ADCY8: variants seen among roughly 807,000 people sequenced by gnomAD.
The protein encoded by ADCY8 is adenylate cyclase type 8.
Under a neutral mutation model 119.7 loss-of-function variants are expected in ADCY8, and 51 were observed. That is an observed-to-expected ratio of 0.43 (90% CI 0.34 to 0.54). The LOEUF (loss-of-function observed/expected upper bound fraction) is 0.54. Among genes scored for constraint, ADCY8 ranks in the 20% least tolerant of loss-of-function variants. ADCY8 has a pLI of 0.03. For synonymous variants in ADCY8, 665 were observed against 651.0 expected (o/e 1.02, Z -0.33); for missense variants, 1,383 against 1,598.8 (o/e 0.87, Z 2.30).
chr8:130,994,644 G>T (rs1822709370), intron 1 of ADCY8, among the ~76,000 whole-genome samples: 1 of 152,162 alleles, frequency 6.6e-6, no homozygotes, highest in African/African-American at 2.4e-5. Context: ...AAGTGGGCAT[G>T]AACATTTTGA....
chr8:130,867,741 C>T (rs984804513), intron 9 of ADCY8, 105 bp downstream of exon 9: 1 of 733,496 alleles, frequency 1.4e-6, no homozygotes, highest in Non-Finnish European at 2.3e-6. Flanking sequence ...GCGTCCTGGA[C>T]TCAGTTATTT....
chr8:131,020,912 T>G (rs1482776570), intron 1 of ADCY8, among the ~76,000 whole-genome samples: 1 of 152,198 alleles, frequency 6.6e-6, no homozygotes, highest in African/African-American at 2.4e-5. Context: ...CTATAAATTA[T>G]ACATCAGATG....
At chr8:130,885,088 G>T (rs897328372) in intron 7 of ADCY8, among the ~76,000 whole-genome samples, 2 of 151,838 alleles carry the variant, frequency 1.3e-5, no homozygotes, top group Non-Finnish European at 2.9e-5. Context: ...GAGAGAAAGA[G>T]AACCAAAAAA....
intron 1 of ADCY8, among the ~76,000 whole-genome samples, chr8:130,991,888 A>T (rs1170929514): frequency 1.3e-5 from 2 of 152,144 alleles, no homozygotes; most frequent in Non-Finnish European, 2.9e-5. Context: ...GATAAGAAAT[A>T]AGAAAAGAAA....
intron 2 of ADCY8, among the ~76,000 whole-genome samples, chr8:130,974,668 T>C (rs889539919): frequency 2.6e-5 from 4 of 151,428 alleles, no homozygotes; most frequent in Admixed American, 6.6e-5. Context: ...GCCATGAGTA[T>C]TCCTTCCTGA....
intron 1 of ADCY8, among the ~76,000 whole-genome samples, chr8:131,002,061 T>C (rs1822968028): frequency 6.6e-6 from 1 of 152,248 alleles, no homozygotes; most frequent in Admixed American, 6.5e-5. Context: ...TTTAGCTTAG[T>C]GGCTAAGAAT....
intron 10 of ADCY8, 133 bp from the exon 11 acceptor site, chr8:130,847,646 C>G: frequency 1.5e-6 from 1 of 656,252 alleles, no homozygotes. Flanking sequence ...AGACTGAACC[C>G]TAGAGGGGAC....
At chr8:130,886,441 G>C (rs1477922463) in intron 7 of ADCY8, among the ~76,000 whole-genome samples, 1 of 152,106 alleles carries the variant, frequency 6.6e-6, no homozygotes, top group African/African-American at 2.4e-5. Context: ...CGGGGCCAGA[G>C]AGTTTAGTCC....
At chr8:130,985,485 T>C (rs1244164431) in intron 2 of ADCY8, among the ~76,000 whole-genome samples, 1 of 152,162 alleles carries the variant, frequency 6.6e-6, no homozygotes, top group Non-Finnish European at 1.5e-5. Context: ...TGATGGGTGG[T>C]CAGTGGGTGG....
intron 12 of ADCY8, among the ~76,000 whole-genome samples, chr8:130,830,074 A>G (rs1432919546): frequency 1.3e-5 from 2 of 152,188 alleles, no homozygotes; most frequent in Admixed American, 6.5e-5. Context: ...AGGGTTACCA[A>G]TCCAGAGGGA....
chr8:130,822,114 A>G (rs183045240), intron 12 of ADCY8, among the ~76,000 whole-genome samples: 5 of 152,316 alleles, frequency 3.3e-5, no homozygotes, highest in African/African-American at 1.2e-4. Context: ...ATTAAGTAAG[A>G]GAAATAAATA....
At chr8:130,971,780 A>G (rs780854564) in intron 2 of ADCY8, among the ~76,000 whole-genome samples, 8 of 152,190 alleles carry the variant, frequency 5.3e-5, no homozygotes, top group Non-Finnish European at 1.0e-4. Flanking sequence ...TAAGTAGAAG[A>G]AATTGTATGA....
intron 14 of ADCY8, among the ~76,000 whole-genome samples, chr8:130,802,126 C>A (rs1158746126): frequency 6.6e-6 from 1 of 152,128 alleles, no homozygotes; most frequent in Non-Finnish European, 1.5e-5. Flanking sequence ...CCTCCAATCA[C>A]AAATTCCATA....
At chr8:130,955,926 C>T (rs544802570) in intron 2 of ADCY8, among the ~76,000 whole-genome samples, 127 of 152,298 alleles carry the variant, frequency 8.3e-4, no homozygotes, top group African/African-American at 3.0e-3. Context: ...GGGAAGAATG[C>T]TTGAGCACAG....
intron 2 of ADCY8, among the ~76,000 whole-genome samples, chr8:130,957,293 G>A (rs956345380): frequency 3.3e-5 from 5 of 152,118 alleles, no homozygotes; most frequent in Non-Finnish European, 7.4e-5. Context: ...AGAGACTGGT[G>A]GCATTTTGCT....
chr8:131,005,616 T>TCCATTTGGGCTTTGCCATGGCTAG (rs1823091413), intron 1 of ADCY8, among the ~76,000 whole-genome samples: 1 of 152,234 alleles, frequency 6.6e-6, no homozygotes, highest in Non-Finnish European at 1.5e-5. Flanking sequence ...ATCTTTAGTT[T>TCCATTTGGGCTTTGCCATGGCTAG]CCATTTGGGC....
intron 1 of ADCY8, among the ~76,000 whole-genome samples, chr8:131,007,721 A>G (rs545206724): frequency 6.6e-6 from 1 of 152,256 alleles, no homozygotes; most frequent in South Asian, 2.1e-4. Context: ...ATAGGGATTT[A>G]TTTTCTTTTT....
intron 5 of ADCY8, among the ~76,000 whole-genome samples, chr8:130,916,965 G>T (rs531174000): frequency 9.2e-5 from 14 of 152,252 alleles, no homozygotes; most frequent in Admixed American, 3.3e-4. Context: ...AGGTCTCCCC[G>T]ACCGAGCTGG....
At chr8:130,975,283 C>T (rs2130712680) in intron 2 of ADCY8, among the ~76,000 whole-genome samples, 1 of 152,294 alleles carries the variant, frequency 6.6e-6, no homozygotes, top group South Asian at 2.1e-4. Flanking sequence ...ATCTCTCTAC[C>T]ATCCCACTCC....
Sources: gnomAD v4.1 joint callset for allele counts (sites outside exome capture counted in the v4.1 genomes callset) on GRCh38, gnomAD v4.1.1 for gene constraint, MANE v1.5 for transcripts, NCBI Gene and HGNC (gene_info 2026-07-23, HGNC 2026-07-21) for gene names.